SPINT2: variants seen among roughly 807,000 people sequenced by gnomAD.
SPINT2 encodes the protein kunitz-type protease inhibitor 2.
SPINT2 carries 18 observed loss-of-function variants against 30.1 expected under a neutral mutation model. The ratio of observed to expected loss-of-function variants is 0.60; its 90% CI spans 0.41 to 0.89. The LOEUF (loss-of-function observed/expected upper bound fraction) is 0.89, where lower values mean the gene tolerates loss of function less well. SPINT2 is among the 40% of genes least tolerant of loss of function. The probability of loss-of-function intolerance (pLI) is 0.00; values close to 1 mark genes in which losing one functional copy is unlikely to be tolerated. For missense variants in SPINT2, 276 were observed against 334.3 expected (o/e 0.83, Z 1.36); for synonymous variants, 139 against 137.9 (o/e 1.01, Z -0.05).
intron 1 of SPINT2, among the ~76,000 whole-genome samples, chr19:38,282,609 A>T (rs773233386): frequency 2.0e-5 from 3 of 152,166 alleles, no homozygotes; most frequent in Admixed American, 6.6e-5. Context: ...ATTTTATAAC[A>T]TTGGCTTTTG....
At chr19:38,268,029 T>C (rs1268561622) in intron 1 of SPINT2, among the ~76,000 whole-genome samples, 1 of 151,810 alleles carries the variant, frequency 6.6e-6, no homozygotes, top group Non-Finnish European at 1.5e-5. Flanking sequence ...ATTGAGGACA[T>C]GGAAGATTTG....
intron 1 of SPINT2, among the ~76,000 whole-genome samples, chr19:38,270,447 C>A (rs970240735): frequency 6.6e-6 from 1 of 152,168 alleles, no homozygotes; most frequent in Admixed American, 6.5e-5. Flanking sequence ...ACAAAATAGA[C>A]CCCCTCCCCC....
intron 1 of SPINT2, chr19:38,265,209 TAGG>T (rs1968363751): frequency 1.9e-6 from 1 of 522,824 alleles, no homozygotes; most frequent in African/African-American, 2.0e-5. Context: ...GAGCGAGGGT[TAGG>T]AGAGTTTCCT....
rs1260052409 is a variant in SPINT2, at chr19:38,290,195, C to G, written c.468C>G (p.Asn156Lys). 1.2e-6 allele frequency: 2 copies of G among 1,612,618 alleles called. No homozygotes were observed. Among genetic ancestry groups the G allele is most frequent in the Admixed American group, 1.7e-5 (1 of 60,030 alleles). The change falls in exon 5 of 7, where the codon AAC (asparagine) becomes AAG (lysine). Residue 156 changes from asparagine (N) to lysine (K), a missense_variant. By Grantham distance (94) the Asn-to-Lys change is moderately conservative. Coordinates refer to ENST00000301244, the MANE Select transcript of SPINT2 (RefSeq NM_021102.4). This position sits in a 1 kb window ranked among gnomAD's most constrained non-coding sequence, Gnocchi z 4.3. The stretch of plus-strand genomic sequence containing the variant: ...GCTGGTACTTTGACGTGGAGAGGAA[C>G]TCCTGCAATAACTTCATCTATGGAG... ...FPRWYFDVER[N>K]SCNNFIYGGC...
At chr19:38,279,207 T>A (rs200779062) in intron 1 of SPINT2, among the ~76,000 whole-genome samples, 6,141 of 119,946 alleles carry the variant, frequency 0.051, 147 homozygotes, top group African/African-American at 0.053. Flanking sequence ...AAAAAAAAAA[T>A]TTTTTTTTTG....
chr19:38,291,517 G>C (rs548006593), intron 6 of SPINT2: 2 of 331,270 alleles, frequency 6.0e-6, no homozygotes, highest in African/African-American at 4.2e-5. Context: ...TGCATCTCTC[G>C]GCCTGGGGCT....
intron 1 of SPINT2, among the ~76,000 whole-genome samples, chr19:38,274,812 T>TAAA (rs35633044): frequency 0.015 from 2,066 of 139,978 alleles, 49 homozygotes; most frequent in African/African-American, 0.05. Context: ...GAGACTGTCT[T>TAAA]AAAAAAAAAA....
At chr19:38,267,288 C>A (rs1968390969) in intron 1 of SPINT2, among the ~76,000 whole-genome samples, 1 of 152,134 alleles carries the variant, frequency 6.6e-6, no homozygotes, top group Non-Finnish European at 1.5e-5. Flanking sequence ...TTTTTCCTCG[C>A]TCCTTCCTGA....
In SPINT2 at chr19:38,273,985, C is replaced by G. The variant is rs144379444; in HGVS notation, c.106+8987C>G. Among the ~76,000 whole-genome samples, 743 of 152,264 alleles carry G rather than the reference C, an allele frequency of 4.9e-3. 7 individuals are homozygous for G. Among genetic ancestry groups the G allele is most frequent in the African/African-American group, 0.017 (718 of 41,538 alleles). On this transcript the variant is annotated intron_variant, in intron 1 of 6. Transcript: ENST00000301244. ...GTGGCTCACGCCTGTAATCCCAGCA[C>G]TTCAGGAGGCCGAGGCGGGTGGATC...
In SPINT2 at chr19:38,291,832, G is replaced by A. The variant is rs890036825; in HGVS notation, c.593-8G>A. 32 of 1,611,870 alleles carry A rather than the reference G, an allele frequency of 2.0e-5. No individual in the cohort carries two copies. The highest frequency in any genetic ancestry group is 6.7e-5 in the East Asian group (3 of 44,884). ...TGGCCCGTCCTGAGGCCCCTCTCTC[G>A]TCCTCAGTGGTGGTTCTGGCGGGGC... On this transcript the variant is annotated splice_region_variant and splice_polypyrimidine_tract_variant and intron_variant, in intron 6 of 6. Coordinates refer to ENST00000301244, the MANE Select transcript of SPINT2 (RefSeq NM_021102.4).
intron 1 of SPINT2, among the ~76,000 whole-genome samples, chr19:38,267,065 T>TAA (rs1302400661): frequency 3.3e-5 from 5 of 152,116 alleles, no homozygotes; most frequent in Non-Finnish European, 7.4e-5. Flanking sequence ...TTGCCCGAGG[T>TAA]CACTCGGTAG....
intron 1 of SPINT2, among the ~76,000 whole-genome samples, chr19:38,281,808 T>C (rs1968584201): frequency 6.6e-6 from 1 of 152,154 alleles, no homozygotes; most frequent in African/African-American, 2.4e-5. Flanking sequence ...CACAATCCAA[T>C]TTTAGAACAT....
intron 1 of SPINT2, among the ~76,000 whole-genome samples, chr19:38,279,307 T>C (rs917761452): frequency 1.3e-5 from 2 of 151,700 alleles, no homozygotes; most frequent in African/African-American, 4.8e-5. Context: ...GAGACCAGCC[T>C]CACCAACATT....
At chr19:38,271,934 G>A (rs960033298) in intron 1 of SPINT2, among the ~76,000 whole-genome samples, 1 of 151,814 alleles carries the variant, frequency 6.6e-6, no homozygotes. Context: ...CCCTTAATCT[G>A]AAGTCCTTCA....
At chr19:38,288,919 C>G (rs1458509749) in intron 3 of SPINT2, 3 of 568,228 alleles carry the variant, frequency 5.3e-6, no homozygotes, top group Non-Finnish European at 9.5e-6. Flanking sequence ...CTATAGGAAC[C>G]CTGAGGTGGC....
intron 1 of SPINT2, among the ~76,000 whole-genome samples, chr19:38,267,789 A>T (rs1179130017): frequency 6.6e-6 from 1 of 152,092 alleles, no homozygotes; most frequent in Non-Finnish European, 1.5e-5. Flanking sequence ...AAAGTTGGGA[A>T]GGAAGAAGTA....
intron 3 of SPINT2, chr19:38,288,360 C>T (rs1232175496): frequency 6.2e-6 from 2 of 322,306 alleles, no homozygotes; most frequent in South Asian, 5.4e-5. Flanking sequence ...TGGGCATCCT[C>T]TGTCCTCTGC....
rs572132586 is a variant in SPINT2 at position 38,272,045 on chromosome 19, G to A, written c.106+7047G>A. Among the ~76,000 whole-genome samples, 162 of 152,096 alleles carry A rather than the reference G, an allele frequency of 1.1e-3. 2 individuals are homozygous for A. Among genetic ancestry groups the A allele is most frequent in the Non-Finnish European group, 3.5e-4 (24 of 68,000 alleles). On this transcript the variant is annotated intron_variant, in intron 1 of 6. Transcript: ENST00000301244. ...TGCTTGACTGAGGAGTTTCAACATGGTGAAACAAAAAATACAAAAAACTAG... is the reference window on the plus strand; with the variant it reads ...TGCTTGACTGAGGAGTTTCAACATGATGAAACAAAAAATACAAAAAACTAG...
intron 1 of SPINT2, among the ~76,000 whole-genome samples, chr19:38,276,358 T>G (rs112740784): frequency 0.016 from 2,394 of 152,002 alleles, 61 homozygotes; most frequent in African/African-American, 0.055. Context: ...AAGCTTGTTT[T>G]GGGGCCAGGC....
Sources: gnomAD v4.1 joint callset for allele counts (sites outside exome capture counted in the v4.1 genomes callset) on GRCh38, gnomAD v4.1.1 for gene constraint, Gnocchi (gnomAD v3.1) non-coding constraint, MANE v1.5 for transcripts, NCBI Gene and HGNC (gene_info 2026-07-23, HGNC 2026-07-21) for gene names.